GATB: variants seen among roughly 807,000 people sequenced by gnomAD.
The protein encoded by GATB is glutamyl-tRNA amidotransferase subunit B.
GATB carries 39 observed loss-of-function variants against 62.3 expected under a neutral mutation model. The ratio of observed to expected loss-of-function variants is 0.63; its 90% CI spans 0.48 to 0.82. The LOEUF (loss-of-function observed/expected upper bound fraction) is 0.82, where lower values mean the gene tolerates loss of function less well. Among genes scored for constraint, GATB ranks in the 40% least tolerant of loss-of-function variants. GATB has a pLI of 0.00. For missense variants in GATB, 670 were observed against 684.0 expected (o/e 0.98, Z 0.23); for synonymous variants, 276 against 258.9 (o/e 1.07, Z -0.63).
intron 11 of GATB, chr4:151,677,888 C>G (rs1017061490): frequency 2.0e-5 from 3 of 151,978 alleles, no homozygotes; most frequent in African/African-American, 7.3e-5. Flanking sequence ...AAAAAGTACA[C>G]CATAACTTCA....
Position 151,758,906 on chromosome 4 carries a change from C to A in GATB, c.193G>T (p.Ala65Ser). ...KTRKGEHKWA[A>S]VVGLEIHAQI... ...GCATGAATTTCCAAACCTACCACAG[C>A]AGCCCATTTGTGTTCACTAAGAAGA... Residue 65 changes from alanine (A) to serine (S), a missense_variant, in exon 2 of 13, where the codon GCT becomes TCT. Coordinates refer to ENST00000263985, the MANE Select transcript of GATB (RefSeq NM_004564.3). The A allele has an allele frequency of 6.2e-7, 1 of 1,608,586 alleles. No homozygotes were observed. The highest frequency in any genetic ancestry group is 8.5e-7 in the Non-Finnish European group (1 of 1,177,440).
chr4:151,701,475 C>T lies in GATB; in HGVS notation c.1051G>A (p.Ala351Thr), dbSNP rs766660548. 1.1e-5 allele frequency: 17 copies of T among 1,588,666 alleles called. No individual in the cohort carries two copies. The highest frequency in any genetic ancestry group is 1.7e-4 in the Middle Eastern group (1 of 6,008). Residue 351 changes from alanine to threonine, a missense_variant, in exon 9 of 13, where the codon GCC becomes ACC. Physicochemically the swap from Ala to Thr is moderately conservative, Grantham distance 58 (BLOSUM62 0). Coordinates refer to ENST00000263985, the MANE Select transcript of GATB (RefSeq NM_004564.3). ...TCTGCACCTGCGGGCAGAGATGTGG[C>T]GTCGTAGAGCACCAGGGGAGGCAGG... ...PNLPPLVLYD[A>T]TSLPAGADPQ... is the part of the protein sequence containing the mutation.
At chr4:151,719,744 T>C (rs1441875880) in intron 2 of GATB, 3 of 421,610 alleles carry the variant, frequency 7.1e-6, no homozygotes, top group African/African-American at 6.3e-5. Flanking sequence ...TATGCAGCAG[T>C]GGGTCCCACC....
At chr4:151,741,778 T>A (rs1739492914) in intron 2 of GATB, among the ~76,000 whole-genome samples, 1 of 152,228 alleles carries the variant, frequency 6.6e-6, no homozygotes, top group Non-Finnish European at 1.5e-5. Flanking sequence ...GTCAACACCA[T>A]CATATTGCTT....
At chr4:151,679,210 G>A (rs1224535419) in intron 11 of GATB, among the ~76,000 whole-genome samples, 1 of 152,168 alleles carries the variant, frequency 6.6e-6, no homozygotes, top group Non-Finnish European at 1.5e-5. Flanking sequence ...GTATGTATTT[G>A]TAAGAATCTT....
chr4:151,725,101 C>T (rs981824854), intron 2 of GATB, among the ~76,000 whole-genome samples: 1 of 152,234 alleles, frequency 6.6e-6, no homozygotes, highest in Non-Finnish European at 1.5e-5. Context: ...ACTCCTATCA[C>T]AGGGTATTGG....
At chr4:151,735,866 C>T (rs182910071) in intron 2 of GATB, among the ~76,000 whole-genome samples, 388 of 151,146 alleles carry the variant, frequency 2.6e-3, no homozygotes, top group African/African-American at 8.9e-3. Flanking sequence ...TTTGGGGACT[C>T]GGAGGAAGAG....
At chr4:151,700,174 CAGTCAT>C in intron 9 of GATB, among the ~76,000 whole-genome samples, 1 of 152,300 alleles carries the variant, frequency 6.6e-6, no homozygotes, top group African/African-American at 2.4e-5. Context: ...CTGACTGACT[CAGTCAT>C]AGTCAAAGTG....
intron 2 of GATB, among the ~76,000 whole-genome samples, chr4:151,737,220 G>A (rs2126990555): frequency 6.6e-6 from 1 of 152,318 alleles, no homozygotes; most frequent in South Asian, 2.1e-4. Context: ...TGGAAAATAA[G>A]GTCCAGGCTG....
intron 11 of GATB, chr4:151,677,345 C>T (rs1214494592): frequency 1.3e-5 from 2 of 152,184 alleles, no homozygotes; most frequent in East Asian, 3.8e-4. Flanking sequence ...ACTTCACACC[C>T]ACTAGGACGG....
intron 3 of GATB, 23 bp from the exon 4 acceptor site, chr4:151,717,097 C>T: frequency 6.2e-7 from 1 of 1,608,196 alleles, no homozygotes; most frequent in Non-Finnish European, 8.5e-7. Context: ...ATAGGGTAAA[C>T]ATAGTCACTG....
chr4:151,719,818 G>A, intron 2 of GATB: 1 of 294,900 alleles, frequency 3.4e-6, no homozygotes, highest in Non-Finnish European at 6.3e-6. Context: ...AAAGCTAACA[G>A]GAAGAGTCGC....
At chr4:151,676,878 C>T (rs1449220632) in intron 11 of GATB, among the ~76,000 whole-genome samples, 1 of 152,054 alleles carries the variant, frequency 6.6e-6, no homozygotes, top group African/African-American at 2.4e-5. Context: ...GAGGAGGGTG[C>T]AGTGAAAGGC....
intron 2 of GATB, among the ~76,000 whole-genome samples, chr4:151,740,699 G>A (rs1042246835): frequency 6.6e-6 from 1 of 152,226 alleles, no homozygotes; most frequent in African/African-American, 2.4e-5. Context: ...AGCTGCCATG[G>A]CCAGGCATGT....
chr4:151,707,163 T>C (rs1335163602), intron 6 of GATB, among the ~76,000 whole-genome samples: 1 of 152,228 alleles, frequency 6.6e-6, no homozygotes, highest in Non-Finnish European at 1.5e-5. Context: ...TGAACAACCA[T>C]GACCTAGTAA....
intron 2 of GATB, among the ~76,000 whole-genome samples, chr4:151,752,191 T>C (rs1437759723): frequency 6.6e-6 from 1 of 152,228 alleles, no homozygotes; most frequent in Non-Finnish European, 1.5e-5. Context: ...ATCCTTTGTA[T>C]GTGGACCTGA....
At chr4:151,683,168 G>T (rs1489937014) in intron 10 of GATB, among the ~76,000 whole-genome samples, 1 of 141,574 alleles carries the variant, frequency 7.1e-6, no homozygotes, top group African/African-American at 2.9e-5. Flanking sequence ...TGACCTTGCA[G>T]TCACTTGCGT....
At chr4:151,726,923 T>G (rs1283876358) in intron 2 of GATB, among the ~76,000 whole-genome samples, 2 of 152,106 alleles carry the variant, frequency 1.3e-5, no homozygotes, top group Non-Finnish European at 2.9e-5. Context: ...TCTCTTTTCT[T>G]TTCTTCTTTT....
chr4:151,711,077 C>T (rs72962934), intron 5 of GATB, among the ~76,000 whole-genome samples: 2,010 of 152,320 alleles, frequency 0.013, 42 homozygotes, highest in African/African-American at 0.041. Context: ...CTCCCTGTCT[C>T]TTACCTTCCA....
Sources: allele counts gnomAD v4.1 joint callset (sites outside exome capture counted in the v4.1 genomes callset), GRCh38; gene constraint gnomAD v4.1.1; transcripts MANE v1.5; gene names NCBI Gene and HGNC (gene_info 2026-07-23, HGNC 2026-07-21).